The following TMEM26 variants were observed in gnomAD, a reference collection of about 807,000 sequenced individuals.
The protein encoded by TMEM26 is transmembrane protein 26.
TMEM26 carries 38 observed loss-of-function variants against 28.8 expected under a neutral mutation model. That is an observed-to-expected ratio of 1.32 (90% CI 1.02 to 1.73). The LOEUF (loss-of-function observed/expected upper bound fraction) is 1.73, where lower values mean the gene tolerates loss of function less well. Ranked by LOEUF, TMEM26 falls within the 40% of genes most tolerant of loss-of-function variation. The pLI is 0.00. For missense variants in TMEM26, 518 were observed against 447.1 expected (o/e 1.16, Z -1.43); for synonymous variants, 227 against 182.9 (o/e 1.24, Z -1.95).
rs766750670 is a variant in TMEM26 at position 61,410,394 on chromosome 10, C to G, written c.1035G>C (p.Glu345Asp). 65 of 1,613,946 alleles carry G rather than the reference C, an allele frequency of 4.0e-5. No homozygotes were observed. Among genetic ancestry groups the G allele is most frequent in the Non-Finnish European group, 5.3e-5 (62 of 1,180,014 alleles). ...AAGGAATAGCCAGGCCCTCCTTAGA[C>G]TCGTTCTGCCAGTCCCGCTGAGAGG... ...SGPSQRDWQNESKEGLAIPLR... is the reference protein window; with the variant it reads ...SGPSQRDWQNDSKEGLAIPLR... Residue 345 changes from glutamate to aspartate, a missense_variant, in exon 6 of 6, where the codon GAG becomes GAC. Transcript: ENST00000399298.
chr10:61,429,957 C>G (rs1391960342), intron 3 of TMEM26, among the ~76,000 whole-genome samples: 2 of 152,020 alleles, frequency 1.3e-5, no homozygotes, highest in South Asian at 4.1e-4. Context: ...TTCATTTACC[C>G]CTCTCCATCA....
Position 61,409,129 on chromosome 10 carries a change from C to CA in TMEM26, c.*1192dup, listed in dbSNP as rs1353055487. 3 of 152,052 alleles carry CA rather than the reference C, an allele frequency of 2.0e-5. No individual in the cohort carries two copies. The East Asian group carries it at 5.8e-4, about 29-fold the overall frequency. 9.4% of individuals were successfully genotyped at this position (152,052 alleles called of 1,614,324 possible). ...AATTTTCACACTGTATCTTTAAAGG[C>CA]AAAAATCACTTTAAAAGGTTCTGAA... On this transcript the variant is annotated 3_prime_UTR_variant, in exon 6 of 6. Transcript: ENST00000399298.
At chr10:61,417,352 G>C (rs1199530506) in intron 4 of TMEM26, among the ~76,000 whole-genome samples, 3 of 151,842 alleles carry the variant, frequency 2.0e-5, no homozygotes, top group African/African-American at 7.3e-5. Context: ...ACTCAATATG[G>C]TGGTTAAAAG....
Position 61,435,628 on chromosome 10 carries a change from C to T in TMEM26, c.270+542G>A, listed in dbSNP as rs193162125. ...TATTTCACTAAGGCAGCCCGTGGGA[C>T]TCCCAAAAATTAATCTCCTGTAATC... On this transcript the variant is annotated intron_variant, in intron 2 of 5. Coordinates refer to ENST00000399298, the MANE Select transcript of TMEM26 (RefSeq NM_178505.8). Among the ~76,000 whole-genome samples, 584 of 152,328 alleles carry T rather than the reference C, an allele frequency of 3.8e-3. 3 individuals are homozygous for T. The highest frequency in any genetic ancestry group is 8.0e-3 in the Admixed American group (122 of 15,306).
chr10:61,433,291 G>A (rs1839951979), intron 2 of TMEM26, among the ~76,000 whole-genome samples: 1 of 152,216 alleles, frequency 6.6e-6, no homozygotes, highest in Non-Finnish European at 1.5e-5. Flanking sequence ...CATTGGGACT[G>A]CAGTGAACAA....
chr10:61,453,085 G>T lies in TMEM26; in HGVS notation c.-4C>A. On this transcript the variant is annotated 5_prime_UTR_variant, in exon 1 of 6. Transcript: ENST00000399298. ...TAAGGAAGACCAGTCCCTCCATGCT[G>T]GCCGGAGCACTCTGCCTACGTCCCC... 6.2e-7 allele frequency: 1 copy of T among 1,611,114 alleles called. No individual in the cohort carries two copies. The highest frequency in any genetic ancestry group is 8.5e-7 in the Non-Finnish European group (1 of 1,178,822).
In TMEM26 at chr10:61,408,344, C is replaced by T. The variant is rs1839521355; in HGVS notation, c.*1978G>A. On this transcript the variant is annotated 3_prime_UTR_variant, in exon 6 of 6. Coordinates refer to ENST00000399298, the MANE Select transcript of TMEM26 (RefSeq NM_178505.8). ...AATTTAAACACTAGAAACTCATTCA[C>T]GAAGCCAAGCCAAGTCTCAGATTTG... 2.0e-5 allele frequency: 3 copies of T among 152,222 alleles called. No homozygotes were observed. The highest frequency in any genetic ancestry group is 6.5e-5 in the Admixed American group (1 of 15,290). 9.4% of individuals were successfully genotyped at this position (152,222 alleles called of 1,614,324 possible).
intron 4 of TMEM26, among the ~76,000 whole-genome samples, chr10:61,422,005 G>A (rs1326364661): frequency 6.6e-6 from 1 of 151,942 alleles, no homozygotes; most frequent in South Asian, 2.1e-4. Flanking sequence ...TAAGAAAGCT[G>A]GAGTGCCTAT....
intron 4 of TMEM26, among the ~76,000 whole-genome samples, chr10:61,427,043 T>C (rs1417526318): frequency 1.3e-5 from 2 of 152,024 alleles, no homozygotes; most frequent in African/African-American, 2.4e-5. Flanking sequence ...AGAAGGCTAC[T>C]GTCACAATGT....
At chr10:61,435,557 A>G (rs546934062) in intron 2 of TMEM26, among the ~76,000 whole-genome samples, 74 of 151,428 alleles carry the variant, frequency 4.9e-4, no homozygotes, top group Admixed American at 2.2e-3. Context: ...GGGTCCCACG[A>G]CTCCTCCCCT....
chr10:61,424,553 C>CT (rs1839799253), intron 4 of TMEM26, among the ~76,000 whole-genome samples: 1 of 151,930 alleles, frequency 6.6e-6, no homozygotes, highest in South Asian at 2.1e-4. Flanking sequence ...ATTTTTTACC[C>CT]TTTTTTACAA....
chr10:61,444,306 T>C (rs933432380), intron 1 of TMEM26, among the ~76,000 whole-genome samples: 9 of 152,218 alleles, frequency 5.9e-5, no homozygotes, highest in African/African-American at 1.9e-4. Flanking sequence ...AATGAACTTA[T>C]ATTGCTGCCG....
In TMEM26 at chr10:61,410,028, T is replaced by G; in HGVS notation, c.*294A>C. On this transcript the variant is annotated 3_prime_UTR_variant, in exon 6 of 6. Transcript: ENST00000399298. ...GTCTGCACCAAATCTTTCGAGGGCA[T>G]GTCACTGTAACCTCTTCCATAGCTT... 1 of 352,242 alleles carries G rather than the reference T, an allele frequency of 2.8e-6. No individual in the cohort carries two copies. The highest frequency in any genetic ancestry group is 5.1e-6 in the Non-Finnish European group (1 of 194,478). The allele number at this position is 352,242 out of a possible 1,614,324, so 21.8% of individuals were successfully genotyped here. A position where few individuals can be genotyped will look rare whatever the true frequency, so the allele number is the denominator to read the frequency against.
At position 61,452,998 on chromosome 10, in the gene TMEM26, G is replaced by A. The variant is rs764285838; in HGVS notation, c.84C>T (p.Thr28=). ...AGTACCGCGGCTCCTTCTTCACCTCGGTCACTCGCCAGACCCCGACCAGCG... is the reference window on the plus strand; with the variant it reads ...AGTACCGCGGCTCCTTCTTCACCTCAGTCACTCGCCAGACCCCGACCAGCG... ...LHSLVGVWRV[T]EVKKEPRYWL... is the part of the protein sequence containing the mutation. The change falls in exon 1 of 6, where the codon ACC becomes ACT. Residue 28 remains threonine (T), a synonymous_variant. Transcript: ENST00000399298. 1.9e-6 allele frequency: 3 copies of A among 1,613,842 alleles called. No individual in the cohort carries two copies. The highest frequency in any genetic ancestry group is 1.3e-5 in the African/African-American group (1 of 74,898).
chr10:61,438,833 A>G (rs1331844908), intron 1 of TMEM26, among the ~76,000 whole-genome samples: 2 of 152,200 alleles, frequency 1.3e-5, no homozygotes, highest in Non-Finnish European at 2.9e-5. Flanking sequence ...GCAACTCAGT[A>G]GTTACAACTG....
rs189667748 is a variant in TMEM26, at chr10:61,416,700, T to A, written c.606-3165A>T. 1.6e-3 allele frequency among the ~76,000 whole-genome samples: 237 copies of A among 152,152 alleles called. 1 individual carries two copies. Among genetic ancestry groups the A allele is most frequent in the Non-Finnish European group, 2.9e-3 (194 of 67,930 alleles). ...AGTGTGGATGTAAATGCAAAATAAC[T>A]TACTAAATTAAAGCATTTAAGACTT... On this transcript the variant is annotated intron_variant, in intron 4 of 5. Transcript: ENST00000399298.
chr10:61,430,581 A>G (rs1187266244), intron 3 of TMEM26, among the ~76,000 whole-genome samples: 1 of 151,938 alleles, frequency 6.6e-6, no homozygotes, highest in African/African-American at 2.4e-5. Flanking sequence ...CAAAAAAAAA[A>G]AAAACCTCCT....
chr10:61,411,330 C>T (rs1839566093), intron 5 of TMEM26, among the ~76,000 whole-genome samples: 2 of 152,184 alleles, frequency 1.3e-5, no homozygotes, highest in African/African-American at 4.8e-5. Context: ...AATAACAGCC[C>T]TGCATTCTGT....
At chr10:61,434,129 A>C (rs191042389) in intron 2 of TMEM26, among the ~76,000 whole-genome samples, 43 of 152,220 alleles carry the variant, frequency 2.8e-4, no homozygotes, top group Admixed American at 1.7e-3. Context: ...TCTTTATTTA[A>C]CTGCAATTCC....
Sources: gnomAD v4.1 joint callset for allele counts (sites outside exome capture counted in the v4.1 genomes callset) on GRCh38, gnomAD v4.1.1 for gene constraint, MANE v1.5 for transcripts, NCBI Gene and HGNC (gene_info 2026-07-23, HGNC 2026-07-21) for gene names.